The following SYT1 variants were observed in gnomAD, a reference collection of about 807,000 sequenced individuals.
SYT1 encodes synaptotagmin-1.
In SYT1, 8 loss-of-function variants were observed where a neutral mutation model predicts 44.8. That is an observed-to-expected ratio of 0.18 (90% CI 0.10 to 0.32). The LOEUF is 0.32. SYT1 is among the 10% of genes least tolerant of loss of function. The probability of loss-of-function intolerance (pLI) is 1.00; values close to 1 mark genes in which losing one functional copy is unlikely to be tolerated. For missense variants in SYT1, 286 were observed against 509.3 expected, an observed-to-expected ratio of 0.56 and a Z score of 4.22; for synonymous variants, 154 against 188.8, an observed-to-expected ratio of 0.82 and a Z score of 1.51.
intron 1 of SYT1, among the ~76,000 whole-genome samples, chr12:78,958,691 T>C (rs1013724276): frequency 1.4e-5 from 2 of 147,792 alleles, no homozygotes; most frequent in African/African-American, 5.0e-5. Flanking sequence ...GCAAAACTCT[T>C]TCTGAAGAGA....
chr12:78,899,036 C>T (rs1368759100), intron 1 of SYT1, among the ~76,000 whole-genome samples: 1 of 152,054 alleles, frequency 6.6e-6, no homozygotes, highest in African/African-American at 2.4e-5. Flanking sequence ...TCAACACTGG[C>T]ATGACTCTGT....
chr12:79,162,518 T>A (rs1871009460), intron 3 of SYT1, among the ~76,000 whole-genome samples: 13 of 152,148 alleles, frequency 8.5e-5, no homozygotes, highest in Admixed American at 7.9e-4. Flanking sequence ...CATCTAGAGC[T>A]AAACAAAATC....
chr12:79,242,819 T>G (rs988279791), intron 4 of SYT1, among the ~76,000 whole-genome samples: 4 of 152,244 alleles, frequency 2.6e-5, no homozygotes, highest in African/African-American at 9.6e-5. Context: ...TGTATATAAC[T>G]TCTATGTAAC....
At chr12:79,045,798 C>G (rs945080582) in intron 2 of SYT1, 3 of 152,268 alleles carry the variant, frequency 2.0e-5, no homozygotes, top group African/African-American at 7.2e-5. Flanking sequence ...AATTCTTTCA[C>G]TGCATCCCTT....
chr12:79,367,953 C>A (rs138846171), intron 9 of SYT1, among the ~76,000 whole-genome samples: 112 of 151,364 alleles, frequency 7.4e-4, no homozygotes, highest in Non-Finnish European at 1.5e-3. Flanking sequence ...GTGCACAATG[C>A]GCAGGTTAGT....
chr12:79,295,042 G>A (rs142327885), intron 6 of SYT1, among the ~76,000 whole-genome samples: 1 of 152,100 alleles, frequency 6.6e-6, no homozygotes, highest in African/African-American at 2.4e-5. Context: ...TTTAAGAGGG[G>A]GAATTGCTTT....
intron 3 of SYT1, among the ~76,000 whole-genome samples, chr12:79,204,611 T>G (rs936501379): frequency 1.3e-5 from 2 of 152,210 alleles, no homozygotes; most frequent in Non-Finnish European, 2.9e-5. Context: ...TATACAAAAG[T>G]TAGAGATCAC....
chr12:79,065,905 G>A (rs1306330823), intron 3 of SYT1, among the ~76,000 whole-genome samples: 3 of 152,122 alleles, frequency 2.0e-5, no homozygotes, highest in East Asian at 3.9e-4. Context: ...TTACGGGGGG[G>A]AAGGGAAGAG....
intron 9 of SYT1, among the ~76,000 whole-genome samples, chr12:79,420,939 AC>A (rs1254674319): frequency 2.0e-5 from 3 of 152,134 alleles, no homozygotes; most frequent in African/African-American, 7.2e-5. Context: ...CTCGTTTAAT[AC>A]CAAGCTAAAG....
At chr12:79,043,100 C>T (rs1873720733) in intron 2 of SYT1, among the ~76,000 whole-genome samples, 1 of 150,552 alleles carries the variant, frequency 6.6e-6, no homozygotes, top group Admixed American at 6.6e-5. Flanking sequence ...AATGTATATT[C>T]TGTTGATTTG....
intron 9 of SYT1, among the ~76,000 whole-genome samples, chr12:79,438,407 ACGTG>A (rs1870214881): frequency 6.6e-6 from 1 of 152,212 alleles, no homozygotes; most frequent in African/African-American, 2.4e-5. Context: ...GGCTAGATCA[ACGTG>A]CTAGGTACTG....
At chr12:78,931,127 A>T (rs1640899211) in intron 1 of SYT1, among the ~76,000 whole-genome samples, 1 of 148,718 alleles carries the variant, frequency 6.7e-6, no homozygotes. Context: ...GCACCACTGC[A>T]CTCCAGTCTG....
In SYT1 at chr12:79,431,513, A is replaced by ATTTATTTAT. The variant is rs1555225314; in HGVS notation, c.929-12558_929-12557insTATTTATTT. Among the ~76,000 whole-genome samples, 112 of 142,720 alleles carry ATTTATTTAT rather than the reference A, an allele frequency of 7.8e-4. 1 individual carries two copies. Among genetic ancestry groups the ATTTATTTAT allele is most frequent in the East Asian group, 2.0e-3 (10 of 4,908 alleles). The allele number at this position is 142,720 out of a possible 152,430, so 93.6% of individuals were successfully genotyped here. Reference sequence around the variant, plus strand: ...GCCATAGTTTATTTTATTTTATTTTATTATTTATTTATTTATTTATTTATT... The same window carrying ATTTATTTAT: ...GCCATAGTTTATTTTATTTTATTTTATTTATTTATTTATTTATTTATTTATTTATTTATT... On this transcript the variant is annotated intron_variant, in intron 9 of 10. Coordinates refer to ENST00000261205, the MANE Select transcript of SYT1 (RefSeq NM_005639.3).
intron 4 of SYT1, among the ~76,000 whole-genome samples, chr12:79,230,934 T>C (rs1875832052): frequency 6.6e-6 from 1 of 152,160 alleles, no homozygotes; most frequent in Non-Finnish European, 1.5e-5. Flanking sequence ...CATACGAATA[T>C]ACTTTAAAAT....
At chr12:79,181,682 C>T (rs1444008863) in intron 3 of SYT1, among the ~76,000 whole-genome samples, 1 of 152,046 alleles carries the variant, frequency 6.6e-6, no homozygotes, top group Non-Finnish European at 1.5e-5. Flanking sequence ...GGATTCTCCT[C>T]ATGAGACACC....
chr12:79,084,173 A>G (rs1366724846), intron 3 of SYT1, among the ~76,000 whole-genome samples: 3 of 152,176 alleles, frequency 2.0e-5, no homozygotes, highest in Non-Finnish European at 4.4e-5. Context: ...AGTGGAATCT[A>G]CTTCACAGTA....
intron 1 of SYT1, among the ~76,000 whole-genome samples, chr12:78,876,645 G>A (rs1874095613): frequency 7.8e-6 from 1 of 127,858 alleles, no homozygotes; most frequent in Admixed American, 9.0e-5. Flanking sequence ...GTACACATAT[G>A]TATATACACA....
intron 9 of SYT1, among the ~76,000 whole-genome samples, chr12:79,420,258 T>C (rs1335673300): frequency 6.6e-6 from 1 of 152,158 alleles, no homozygotes; most frequent in Non-Finnish European, 1.5e-5. Context: ...GTGTGTGAGC[T>C]TTCCTATTGC....
chr12:79,401,127 G>A (rs1332111361), intron 9 of SYT1, among the ~76,000 whole-genome samples: 1 of 152,086 alleles, frequency 6.6e-6, no homozygotes, highest in Non-Finnish European at 1.5e-5. Context: ...TTGCATTGTA[G>A]AATAAAAATG....
Sources: allele counts gnomAD v4.1 joint callset (sites outside exome capture counted in the v4.1 genomes callset), GRCh38; gene constraint gnomAD v4.1.1; transcripts MANE v1.5; gene names NCBI Gene and HGNC (gene_info 2026-07-23, HGNC 2026-07-21).